CLASP1: variants seen among roughly 807,000 people sequenced by gnomAD.
CLASP1 encodes cytoplasmic linker associated protein 1.
CLASP1 carries 38 observed loss-of-function variants against 192.3 expected under a neutral mutation model. The ratio of observed to expected loss-of-function variants is 0.20; its 90% CI spans 0.15 to 0.26. The LOEUF is 0.26. Ranked by LOEUF, CLASP1 falls within the 10% of genes least tolerant of loss-of-function variation. CLASP1 has a pLI of 1.00. For synonymous variants in CLASP1, 691 were observed against 712.8 expected, an observed-to-expected ratio of 0.97 and a Z score of 0.49; for missense variants, 1,433 against 1,932.5, an observed-to-expected ratio of 0.74 and a Z score of 4.85.
chr2:121,368,839 C>T (rs888393858), intron 34 of CLASP1, among the ~76,000 whole-genome samples: 2 of 152,168 alleles, frequency 1.3e-5, no homozygotes, highest in African/African-American at 2.4e-5. Flanking sequence ...ATGTAACATA[C>T]CATTTTGATC....
At chr2:121,377,048 C>T (rs1192794449) in intron 34 of CLASP1, among the ~76,000 whole-genome samples, 1 of 152,212 alleles carries the variant, frequency 6.6e-6, no homozygotes, top group Non-Finnish European at 1.5e-5. Flanking sequence ...GTGCTTGAAT[C>T]ATCCCCAAAC....
chr2:121,420,886 G>A (rs2079380159), intron 22 of CLASP1, among the ~76,000 whole-genome samples: 1 of 152,154 alleles, frequency 6.6e-6, no homozygotes, highest in African/African-American at 2.4e-5. Context: ...ACAATAAAAA[G>A]CATTAACAGC....
chr2:121,609,961 A>T (rs2064997041), intron 1 of CLASP1, among the ~76,000 whole-genome samples: 1 of 152,202 alleles, frequency 6.6e-6, no homozygotes, highest in Non-Finnish European at 1.5e-5. Context: ...ATAAAAATTA[A>T]GCAAGTAATG....
chr2:121,523,272 C>A (rs2094497912), intron 6 of CLASP1, among the ~76,000 whole-genome samples: 1 of 152,228 alleles, frequency 6.6e-6, no homozygotes, highest in Non-Finnish European at 1.5e-5. Context: ...AACTCTTAAA[C>A]AACTGAATCT....
intron 35 of CLASP1, among the ~76,000 whole-genome samples, chr2:121,366,526 C>T (rs2067445220): frequency 6.6e-6 from 1 of 152,252 alleles, no homozygotes. Flanking sequence ...GATCTGGCAT[C>T]TGCCTCCAGC....
intron 1 of CLASP1, among the ~76,000 whole-genome samples, chr2:121,621,967 C>T (rs1036138084): frequency 8.5e-5 from 13 of 152,082 alleles, no homozygotes; most frequent in Non-Finnish European, 1.8e-4. Context: ...CCTGCCTCAG[C>T]CTCCCAACCA....
At chr2:121,468,375 C>T (rs898854531) in intron 9 of CLASP1, among the ~76,000 whole-genome samples, 1 of 152,118 alleles carries the variant, frequency 6.6e-6, no homozygotes, top group Non-Finnish European at 1.5e-5. Flanking sequence ...GCAGTATGGC[C>T]ATTTCATAAT....
chr2:121,406,911 T>G (rs1358649930), intron 25 of CLASP1, among the ~76,000 whole-genome samples: 1 of 151,974 alleles, frequency 6.6e-6, no homozygotes, highest in African/African-American at 2.4e-5. Flanking sequence ...ATCAGCTTAA[T>G]AAATTATAGA....
rs116288245 is a variant in CLASP1, at chr2:121,358,327, T to C, written c.4206+4845A>G. 4.9e-3 allele frequency among the ~76,000 whole-genome samples: 749 copies of C among 152,330 alleles called. 9 individuals carry two copies. The highest frequency in any genetic ancestry group is 0.017 in the African/African-American group (726 of 41,572). On this transcript the variant is annotated intron_variant, in intron 37 of 39. Coordinates refer to ENST00000263710, the Ensembl canonical transcript of CLASP1. ...GCTGGATGAAACACAGATAATCACC[T>C]AGTCCACTTGATAGGGTAAGAGATA...
At chr2:121,446,309 A>C (rs2084337155) in intron 19 of CLASP1, among the ~76,000 whole-genome samples, 1 of 152,214 alleles carries the variant, frequency 6.6e-6, no homozygotes, top group Admixed American at 6.5e-5. Flanking sequence ...TATTATTACA[A>C]GTAATTTGCA....
At chr2:121,346,397 T>C (rs1037019652) in intron 39 of CLASP1, among the ~76,000 whole-genome samples, 4 of 152,236 alleles carry the variant, frequency 2.6e-5, no homozygotes, top group African/African-American at 9.6e-5. Flanking sequence ...TTGTTTTAAT[T>C]AAAACCAATA....
chr2:121,391,373 G>A (rs1200726394), intron 30 of CLASP1, among the ~76,000 whole-genome samples: 1 of 152,142 alleles, frequency 6.6e-6, no homozygotes, highest in African/African-American at 2.4e-5. Context: ...AAAGTTGGGA[G>A]GATTGAATCA....
chr2:121,533,065 T>C (rs1443525566), intron 2 of CLASP1, among the ~76,000 whole-genome samples: 5 of 152,182 alleles, frequency 3.3e-5, no homozygotes, highest in Admixed American at 2.0e-4. Context: ...GGGGGAAAGC[T>C]GACGTCAGCT....
At chr2:121,508,164 C>T (rs1440179663) in intron 7 of CLASP1, among the ~76,000 whole-genome samples, 1 of 151,912 alleles carries the variant, frequency 6.6e-6, no homozygotes, top group Non-Finnish European at 1.5e-5. Flanking sequence ...CTGCATAAAG[C>T]AATAATTATA....
At chr2:121,590,124 A>C (rs1026698956) in intron 2 of CLASP1, among the ~76,000 whole-genome samples, 1 of 152,206 alleles carries the variant, frequency 6.6e-6, no homozygotes, top group Non-Finnish European at 1.5e-5. Flanking sequence ...TGCTCCTAGA[A>C]GCAAACAGGT....
At chr2:121,595,341 G>A (rs552546021) in intron 2 of CLASP1, among the ~76,000 whole-genome samples, 1 of 152,308 alleles carries the variant, frequency 6.6e-6, no homozygotes, top group African/African-American at 2.4e-5. Context: ...GGCAATGCAT[G>A]CAAAACACTT....
chr2:121,592,487 T>A (rs1441532988), intron 2 of CLASP1, among the ~76,000 whole-genome samples: 19 of 152,230 alleles, frequency 1.2e-4, no homozygotes, highest in Admixed American at 1.1e-3. Context: ...ATCAAAATAT[T>A]CTATTTTGAT....
chr2:121,437,839 C>G (rs2082567376), intron 19 of CLASP1, among the ~76,000 whole-genome samples: 1 of 152,212 alleles, frequency 6.6e-6, no homozygotes, highest in African/African-American at 2.4e-5. Context: ...CCAGCATTGA[C>G]CCTGACATAC....
chr2:121,469,843 C>T lies in CLASP1; in HGVS notation c.830G>A (p.Arg277Gln), dbSNP rs764212566. ...GGATCCAAGGGTGGATGAACCAAGC[C>T]GGCGGGTGGTTCCCATTCCAACGTT... The change falls in exon 9 of 40, where the codon CGG (arginine) becomes CAG (glutamine). Residue 277 changes from arginine to glutamine, a missense_variant. Arg to Gln is a conservative substitution (Grantham distance 43). Transcript: ENST00000263710. 5.6e-6 allele frequency: 9 copies of T among 1,613,530 alleles called. No individual in the cohort carries two copies. Among genetic ancestry groups the T allele is most frequent in the East Asian group, 2.2e-5 (1 of 44,884 alleles).
Sources: allele counts gnomAD v4.1 joint callset (sites outside exome capture counted in the v4.1 genomes callset), GRCh38; gene constraint gnomAD v4.1.1; transcripts MANE v1.5; gene names NCBI Gene and HGNC (gene_info 2026-07-23, HGNC 2026-07-21).